SIAE: variants seen among roughly 807,000 people sequenced by gnomAD.
SIAE encodes sialic acid acetylesterase.
A neutral mutation model predicts 52.6 loss-of-function variants in SIAE; 39 were observed. That is an observed-to-expected ratio of 0.74 (90% CI 0.57 to 0.97). SIAE has a LOEUF of 0.97. Ranked by LOEUF, SIAE falls within the 50% of genes least tolerant of loss-of-function variation. The pLI, the probability that SIAE is intolerant of heterozygous loss-of-function variation, is 0.00. For synonymous variants in SIAE, 233 were observed against 241.4 expected (o/e 0.97, Z 0.32); for missense variants, 592 against 662.1 (o/e 0.89, Z 1.16).
At chr11:124,675,565 A>T, upstream of SIAE, 1 of 763,216 alleles carries the variant, frequency 1.3e-6, no homozygotes, top group Non-Finnish European at 2.1e-6. Context: ...TTGAAACAGT[A>T]TGTACCTCTT....
At chr11:124,659,027 A>T (rs1337999648) in intron 3 of SIAE, 1 of 152,238 alleles carries the variant, frequency 6.6e-6, no homozygotes, top group African/African-American at 2.4e-5. Context: ...TAACACTTGG[A>T]TGTTTCAGAC....
At chr11:124,647,342 A>C (rs552363935) in intron 7 of SIAE, 23 bp downstream of exon 7, 1 of 1,614,168 alleles carries the variant, frequency 6.2e-7, no homozygotes, top group African/African-American at 1.3e-5. Flanking sequence ...ACATGAACAG[A>C]GAAGCCTTTA....
chr11:124,669,279 T>G lies in SIAE; in HGVS notation c.229+81A>C, dbSNP rs1320348138. The G allele has an allele frequency of 5.2e-6, 8 of 1,529,278 alleles. No individual in the cohort carries two copies. In the South Asian group the frequency reaches 5.6e-5, roughly 11 times the overall value. 94.7% of individuals were successfully genotyped at this position (1,529,278 alleles called of 1,614,324 possible). A position where few individuals can be genotyped will look rare whatever the true frequency, so the allele number is the denominator to read the frequency against. ...GTAGGGACGGATGGATAATGTGAGC[T>G]ACAGCATTAGCATTCATTTTCAGAT... is the stretch of plus-strand genomic sequence containing the variant. On this transcript the variant is annotated intron_variant, in intron 2 of 9. Coordinates refer to ENST00000263593, the MANE Select transcript of SIAE (RefSeq NM_170601.5).
intron 9 of SIAE, 93 bp downstream of exon 9, chr11:124,638,449 A>T (rs2187155): frequency 7.3e-7 from 1 of 1,378,632 alleles, no homozygotes; most frequent in African/African-American, 1.4e-5. Flanking sequence ...AAGACCCGCC[A>T]CATCGTAATA....
In SIAE at chr11:124,654,781, T is replaced by G. The variant is rs778230310; in HGVS notation, c.418A>C (p.Thr140Pro). Residue 140 changes from threonine to proline, a missense_variant, in exon 4 of 10, where the codon ACA (threonine) becomes CCA (proline). Coordinates refer to ENST00000263593, the MANE Select transcript of SIAE (RefSeq NM_170601.5). ...QMTVLQIFNA[T>P]RELSNTAAYQ... is the part of the protein sequence containing the mutation. ...GCCGCAGTGTTAGACAACTCCCTTG[T>G]AGCATTAAATATCTGGAAAAGAAAT... 4.3e-6 allele frequency: 7 copies of G among 1,613,616 alleles called. No homozygotes were observed. Among genetic ancestry groups the G allele is most frequent in the African/African-American group, 1.3e-5 (1 of 74,882 alleles).
rs1942740537 is a variant in SIAE at position 124,636,397 on chromosome 11, A to AGTT, written c.*551_*553dup. The AGTT allele has an allele frequency of 6.4e-6, 1 of 156,986 alleles. No homozygotes were observed. The highest frequency in any genetic ancestry group is 2.4e-5 in the African/African-American group (1 of 41,476). 9.7% of individuals were successfully genotyped at this position (156,986 alleles called of 1,614,324 possible). ...GTTCCACATAAGGAAAAACTTGGAA[A>AGTT]GTTTTGAATGGAAAGTTCATAGAGA... On this transcript the variant is annotated 3_prime_UTR_variant, in exon 10 of 10. Transcript: ENST00000263593.
chr11:124,661,716 G>A (rs144663889), intron 2 of SIAE, among the ~76,000 whole-genome samples: 1 of 152,202 alleles, frequency 6.6e-6, no homozygotes, highest in African/African-American at 2.4e-5. Flanking sequence ...GAAAAAAAAT[G>A]GGAAATTAAC....
At chr11:124,671,500 T>A (rs1393793017) in intron 1 of SIAE, among the ~76,000 whole-genome samples, 9 of 152,154 alleles carry the variant, frequency 5.9e-5, no homozygotes. Flanking sequence ...AATCACACAG[T>A]TTATGACAAG....
chr11:124,674,022 T>G, upstream of SIAE: 1 of 362,254 alleles, frequency 2.8e-6, no homozygotes, highest in Non-Finnish European at 5.1e-6. Context: ...TCTTATTCTC[T>G]CAGCATCCCA....
upstream of SIAE, chr11:124,675,513 C>T (rs952303736): frequency 7.3e-7 from 1 of 1,376,170 alleles, no homozygotes; most frequent in East Asian, 2.4e-5. Flanking sequence ...CTGCAGAAAG[C>T]CTTTTATGAG....
chr11:124,649,994 T>C (rs1273377035), intron 4 of SIAE, among the ~76,000 whole-genome samples, 198 bp from the exon 5 acceptor site: 2 of 152,186 alleles, frequency 1.3e-5, no homozygotes, highest in Non-Finnish European at 2.9e-5. Flanking sequence ...CTGAACACTA[T>C]TATCTCTTCC....
chr11:124,668,950 AC>A (rs1357908795), intron 2 of SIAE, among the ~76,000 whole-genome samples: 2 of 152,136 alleles, frequency 1.3e-5, no homozygotes, highest in African/African-American at 4.8e-5. Context: ...CAGAGTTCTT[AC>A]CCTCTCCTCC....
intron 2 of SIAE, among the ~76,000 whole-genome samples, chr11:124,663,595 A>G (rs1348292646): frequency 1.3e-5 from 2 of 152,176 alleles, no homozygotes; most frequent in Admixed American, 6.5e-5. Flanking sequence ...AAAATAAAAT[A>G]AATAAGGATT....
chr11:124,639,884 T>C lies in SIAE; in HGVS notation c.967-17A>G, dbSNP rs376068783. 13 of 1,613,396 alleles carry C rather than the reference T, an allele frequency of 8.1e-6. No individual in the cohort carries two copies. The highest frequency in any genetic ancestry group is 5.3e-5 in the African/African-American group (4 of 74,922). The stretch of plus-strand genomic sequence containing the variant: ...TGAAGATAACTAGAAAGCAGAGACA[T>C]TGCTAATTTTATTGTATCAGAATCC... On this transcript the variant is annotated splice_polypyrimidine_tract_variant and intron_variant, in intron 7 of 9. Coordinates refer to ENST00000263593, the MANE Select transcript of SIAE (RefSeq NM_170601.5).
At chr11:124,647,928 T>C in intron 6 of SIAE, 138 bp downstream of exon 6, 1 of 753,974 alleles carries the variant, frequency 1.3e-6, no homozygotes, top group Admixed American at 2.0e-5. Context: ...ACATAAAAAC[T>C]ACCCTGCTCA....
At chr11:124,653,747 G>A (rs988358130) in intron 4 of SIAE, among the ~76,000 whole-genome samples, 11 of 152,208 alleles carry the variant, frequency 7.2e-5, no homozygotes, top group Admixed American at 3.3e-4. Context: ...GGGTGTTTGC[G>A]ATGTTTACTG....
Position 124,636,828 on chromosome 11 carries a change from G to T in SIAE, c.*123C>A. The stretch of plus-strand genomic sequence containing the variant: ...ATATAGAAACAGCCATGTGCTAGCT[G>T]AAAGCCATTCAATGAGGCTTTCTAT... On this transcript the variant is annotated 3_prime_UTR_variant, in exon 10 of 10. Transcript: ENST00000263593. The T allele has an allele frequency of 7.2e-7, 1 of 1,387,204 alleles. No homozygotes were observed. Among genetic ancestry groups the T allele is most frequent in the Admixed American group, 1.7e-5 (1 of 58,880 alleles). 85.9% of individuals were successfully genotyped at this position (1,387,204 alleles called of 1,614,324 possible). A position where few individuals can be genotyped will look rare whatever the true frequency, so the allele number is the denominator to read the frequency against.
chr11:124,674,795 C>T (rs1430532220), upstream of SIAE: 1 of 153,840 alleles, frequency 6.5e-6, no homozygotes, highest in Non-Finnish European at 1.4e-5. Context: ...GCAACTTCTT[C>T]ATTCAACAAA....
intron 3 of SIAE, among the ~76,000 whole-genome samples, chr11:124,656,211 T>C (rs1943096478): frequency 6.6e-6 from 1 of 152,222 alleles, no homozygotes; most frequent in African/African-American, 2.4e-5. Context: ...TCAACCCGTA[T>C]GTATTGTTTT....
Sources: gnomAD v4.1 joint callset for allele counts (sites outside exome capture counted in the v4.1 genomes callset) on GRCh38, gnomAD v4.1.1 for gene constraint, MANE v1.5 for transcripts, NCBI Gene and HGNC (gene_info 2026-07-23, HGNC 2026-07-21) for gene names.